PTPN9: variants seen among roughly 807,000 people sequenced by gnomAD.
The protein encoded by PTPN9 is protein tyrosine phosphatase non-receptor type 9.
Under a neutral mutation model 69.8 loss-of-function variants are expected in PTPN9, and 26 were observed. The observed-to-expected ratio is 0.37, with a 90% CI of 0.27 to 0.52. The LOEUF (loss-of-function observed/expected upper bound fraction) is 0.52, where lower values mean the gene tolerates loss of function less well. Among genes scored for constraint, PTPN9 ranks in the 20% least tolerant of loss-of-function variants. The pLI is 0.91. For missense variants in PTPN9, 549 were observed against 740.3 expected (o/e 0.74, Z 3.00); for synonymous variants, 274 against 272.5 (o/e 1.01, Z -0.05).
intron 1 of PTPN9, among the ~76,000 whole-genome samples, chr15:75,530,521 AATTT>A (rs1294844426): frequency 2.6e-5 from 2 of 77,928 alleles, no homozygotes; most frequent in Non-Finnish European, 2.2e-5. Flanking sequence ...ATTATAATAT[AATTT>A]ATTATATAAT....
intron 5 of PTPN9, among the ~76,000 whole-genome samples, chr15:75,515,186 G>A (rs1411844214): frequency 2.6e-5 from 4 of 152,058 alleles, no homozygotes; most frequent in Non-Finnish European, 4.4e-5. Context: ...CCAGCACTTT[G>A]GGAGGCTGAG....
At chr15:75,555,629 T>C (rs1480358331) in intron 1 of PTPN9, among the ~76,000 whole-genome samples, 1 of 151,732 alleles carries the variant, frequency 6.6e-6, no homozygotes, top group Non-Finnish European at 1.5e-5. Context: ...TTCAGCCTCC[T>C]GAGTAGCTGG....
In PTPN9 at chr15:75,466,228, AGAT is replaced by A. The variant is rs1472728653; in HGVS notation, c.*2538_*2540del. On this transcript the variant is annotated 3_prime_UTR_variant, in exon 13 of 13. Coordinates refer to ENST00000618819, the MANE Select transcript of PTPN9 (RefSeq NM_002833.4). ...CTCAAAAGGTTGTTGAGGGTGAATG[AGAT>A]GATACCTAGAAATTACTCTGAACAG... 1 of 152,210 alleles carries A rather than the reference AGAT, an allele frequency of 6.6e-6. No individual in the cohort carries two copies. The highest frequency in any genetic ancestry group is 2.4e-5 in the African/African-American group (1 of 41,440). The allele number at this position is 152,210 out of a possible 1,614,324, so 9.4% of individuals were successfully genotyped here.
chr15:75,555,395 C>T (rs1166052678), intron 1 of PTPN9, among the ~76,000 whole-genome samples: 4 of 152,082 alleles, frequency 2.6e-5, no homozygotes, highest in South Asian at 2.1e-4. Context: ...CATTTAGAGA[C>T]GTTAAAATAC....
chr15:75,543,746 A>G (rs2075019381), intron 1 of PTPN9, among the ~76,000 whole-genome samples: 1 of 152,216 alleles, frequency 6.6e-6, no homozygotes, highest in South Asian at 2.1e-4. Context: ...AAAAATAACA[A>G]TAAAACATAT....
intron 1 of PTPN9, among the ~76,000 whole-genome samples, chr15:75,532,692 G>A (rs992229092): frequency 3.9e-5 from 6 of 152,184 alleles, no homozygotes; most frequent in African/African-American, 1.4e-4. Context: ...TATAAACAGT[G>A]ATGTGATATT....
intron 2 of PTPN9, among the ~76,000 whole-genome samples, chr15:75,525,201 CTT>C (rs896539584): frequency 3.5e-5 from 5 of 144,096 alleles, no homozygotes; most frequent in Non-Finnish European, 3.1e-5. Context: ...TGGCCAGATT[CTT>C]TTTTTTTTTT....
chr15:75,567,027 T>C lies in PTPN9; in HGVS notation c.63+11687A>G, dbSNP rs569445146. On this transcript the variant is annotated intron_variant, in intron 1 of 12. Coordinates refer to ENST00000618819, the MANE Select transcript of PTPN9 (RefSeq NM_002833.4). ...ATAGCCCATTTTTTTTCTTTTTTTT[T>C]TTTTTTCAGATGCAATCTCACTCTG... Among the ~76,000 whole-genome samples, 4 of 151,438 alleles carry C rather than the reference T, an allele frequency of 2.6e-5. No individual in the cohort carries two copies. In the South Asian group the frequency reaches 6.3e-4, roughly 24 times the overall value.
At chr15:75,503,525 GC>G (rs2074787707) in intron 7 of PTPN9, among the ~76,000 whole-genome samples, 1 of 145,994 alleles carries the variant, frequency 6.8e-6, no homozygotes, top group South Asian at 2.2e-4. Context: ...CCCGGCAGCC[GC>G]CCCGTCCGGG....
At chr15:75,507,446 CAAAAAAAA>C (rs762520293) in intron 6 of PTPN9, among the ~76,000 whole-genome samples, 1 of 89,186 alleles carries the variant, frequency 1.1e-5, no homozygotes, top group African/African-American at 4.1e-5. Context: ...AACTCTGTCG[CAAAAAAAA>C]AAAAAAAAAA....
intron 1 of PTPN9, among the ~76,000 whole-genome samples, chr15:75,568,083 G>A (rs562987525): frequency 2.6e-5 from 4 of 151,788 alleles, no homozygotes; most frequent in South Asian, 2.1e-4. Flanking sequence ...CTACTGTTTC[G>A]GTCTTACCAT....
rs568310529 is a variant in PTPN9 at position 75,506,130 on chromosome 15, C to A, written c.640-127G>T. ...AGATTTTCTTGAAATACAAGGTATA[C>A]TTGTAAAAGTAGTAGACTACATTTC... is the stretch of plus-strand genomic sequence containing the variant. On this transcript the variant is annotated intron_variant, in intron 6 of 12. Transcript: ENST00000618819. 42 of 741,344 alleles carry A rather than the reference C, an allele frequency of 5.7e-5. No individual in the cohort carries two copies. In the East Asian group the frequency reaches 1.1e-3, roughly 20 times the overall value. 45.9% of individuals were successfully genotyped at this position (741,344 alleles called of 1,614,324 possible).
chr15:75,480,997 C>A (rs1243300922), intron 8 of PTPN9, among the ~76,000 whole-genome samples: 22 of 89,810 alleles, frequency 2.4e-4, no homozygotes, highest in African/African-American at 9.8e-4. Context: ...AGCGTCTCCG[C>A]CCGGCCGCCA....
intron 1 of PTPN9, among the ~76,000 whole-genome samples, chr15:75,533,549 C>T (rs2074971735): frequency 6.6e-6 from 1 of 152,162 alleles, no homozygotes; most frequent in South Asian, 2.1e-4. Flanking sequence ...GCATGAGCCA[C>T]CGTGCCTGGC....
intron 1 of PTPN9, among the ~76,000 whole-genome samples, chr15:75,572,469 G>A (rs2075152431): frequency 6.6e-6 from 1 of 152,130 alleles, no homozygotes; most frequent in African/African-American, 2.4e-5. Context: ...GAGCACTTGG[G>A]GAGGCCAAGG....
chr15:75,473,636 T>A, intron 10 of PTPN9, 53 bp downstream of exon 10: 1 of 1,394,306 alleles, frequency 7.2e-7, no homozygotes, highest in East Asian at 2.3e-5. Flanking sequence ...TAATCACCCA[T>A]GCCTAGGGAC....
At chr15:75,480,668 G>C in intron 8 of PTPN9, 1 of 1,251,058 alleles carries the variant, frequency 8.0e-7, no homozygotes, top group Non-Finnish European at 1.0e-6. Context: ...GATATGAAGC[G>C]GAGCCGCTGC....
At position 75,466,770 on chromosome 15, in the gene PTPN9, A is replaced by G. The variant is rs2074538092; in HGVS notation, c.*1999T>C. 2 of 152,220 alleles carry G rather than the reference A, an allele frequency of 1.3e-5. No individual in the cohort carries two copies. The highest frequency in any genetic ancestry group is 3.8e-4 in the East Asian group (2 of 5,202). The allele number at this position is 152,220 out of a possible 1,614,324, so 9.4% of individuals were successfully genotyped here. ...ACTTGAGCTCGTTTTAGAGCAAATCACTGTAACCCTCTGGACCTCACCTTC... is the reference window on the plus strand; with the variant it reads ...ACTTGAGCTCGTTTTAGAGCAAATCGCTGTAACCCTCTGGACCTCACCTTC... On this transcript the variant is annotated 3_prime_UTR_variant, in exon 13 of 13. Transcript: ENST00000618819.
intron 10 of PTPN9, 68 bp downstream of exon 10, chr15:75,473,621 C>G: frequency 7.6e-7 from 1 of 1,319,432 alleles, no homozygotes; most frequent in Non-Finnish European, 1.1e-6. Context: ...CTAAACTTCC[C>G]TCTTTAATCA....
Sources: allele counts gnomAD v4.1 joint callset (sites outside exome capture counted in the v4.1 genomes callset), GRCh38; gene constraint gnomAD v4.1.1; transcripts MANE v1.5; gene names NCBI Gene and HGNC (gene_info 2026-07-23, HGNC 2026-07-21).